The following SAMD5 variants were observed in gnomAD, a reference collection of about 807,000 sequenced individuals.
SAMD5 encodes sterile alpha motif domain-containing protein 5.
SAMD5 carries 13 observed loss-of-function variants against 11.3 expected under a neutral mutation model. That is an observed-to-expected ratio of 1.15 (90% CI 0.75 to 1.83). SAMD5 has a LOEUF of 1.83. Among genes scored for constraint, SAMD5 ranks in the 40% most tolerant of loss-of-function variants. The probability of loss-of-function intolerance (pLI) is 0.00; values close to 1 mark genes in which losing one functional copy is unlikely to be tolerated. For missense variants in SAMD5, 255 were observed against 239.1 expected (o/e 1.07, Z -0.44); for synonymous variants, 129 against 111.3 (o/e 1.16, Z -1.00).
intron 1 of SAMD5, among the ~76,000 whole-genome samples, chr6:147,646,447 A>T (rs1306614241): frequency 6.6e-6 from 1 of 152,134 alleles, no homozygotes; most frequent in East Asian, 1.9e-4. Context: ...TCACTTCTTA[A>T]TCTCAAAGGA....
the SAMD5 span, among the ~76,000 whole-genome samples, chr6:147,916,771 T>G: frequency 6.9e-6 from 1 of 145,530 alleles, no homozygotes; most frequent in African/African-American, 2.5e-5. Context: ...GTGTTCTCAT[T>G]GTTCAATTCC....
the SAMD5 span, among the ~76,000 whole-genome samples, chr6:147,894,552 G>A: frequency 0.16 from 24,939 of 152,088 alleles, 2,565 homozygotes; most frequent in Non-Finnish European, 0.23. Context: ...CAGTGCATCC[G>A]TGAGACCTAC....
chr6:147,755,902 A>G, the SAMD5 span, among the ~76,000 whole-genome samples: 1 of 152,206 alleles, frequency 6.6e-6, no homozygotes, highest in Admixed American at 6.6e-5. Flanking sequence ...CTAAAATAAC[A>G]TTGAACACAA....
the SAMD5 span, among the ~76,000 whole-genome samples, chr6:147,782,681 A>C: frequency 6.6e-6 from 1 of 152,220 alleles, no homozygotes; most frequent in Non-Finnish European, 1.5e-5. Context: ...GCAGAGAGCA[A>C]AAGCTTTGTT....
intron 1 of SAMD5, among the ~76,000 whole-genome samples, chr6:147,593,418 C>T (rs756062818): frequency 7.9e-5 from 12 of 152,002 alleles, no homozygotes; most frequent in Non-Finnish European, 1.6e-4. Flanking sequence ...GATTAAGGAA[C>T]CAAGAAAGGC....
the SAMD5 span, among the ~76,000 whole-genome samples, chr6:147,830,043 G>A: frequency 6.6e-6 from 1 of 152,026 alleles, no homozygotes; most frequent in Admixed American, 6.6e-5. Context: ...TCCAGATGTT[G>A]GGTGGAGAGT....
At chr6:147,657,780 G>T (rs1790592716) in intron 1 of SAMD5, among the ~76,000 whole-genome samples, 1 of 152,098 alleles carries the variant, frequency 6.6e-6, no homozygotes, top group Non-Finnish European at 1.5e-5. Flanking sequence ...TCTTTTATAT[G>T]GGCATCAGTC....
At chr6:147,592,578 A>G (rs758047126) in intron 1 of SAMD5, among the ~76,000 whole-genome samples, 3 of 152,022 alleles carry the variant, frequency 2.0e-5, no homozygotes, top group African/African-American at 7.2e-5. Context: ...CTCAATTCAG[A>G]TAGACTCTAT....
chr6:147,852,764 A>G, the SAMD5 span, among the ~76,000 whole-genome samples: 153 of 152,342 alleles, frequency 1.0e-3, 1 homozygote, highest in African/African-American at 3.4e-3. Flanking sequence ...ATTAAAAAAT[A>G]CTAAGGAGAT....
intron 1 of SAMD5, among the ~76,000 whole-genome samples, chr6:147,720,822 A>G (rs1430396103): frequency 7.0e-6 from 1 of 143,398 alleles, no homozygotes; most frequent in African/African-American, 2.6e-5. Context: ...AGCATTAGGT[A>G]TATCTCCCAA....
At chr6:147,588,179 G>A (rs1377686530) in intron 1 of SAMD5, among the ~76,000 whole-genome samples, 1 of 151,526 alleles carries the variant, frequency 6.6e-6, no homozygotes, top group Non-Finnish European at 1.5e-5. Context: ...CTCAAAAGGA[G>A]TTATTATAAG....
intron 1 of SAMD5, among the ~76,000 whole-genome samples, chr6:147,590,786 C>T (rs761601019): frequency 1.3e-5 from 2 of 152,100 alleles, no homozygotes; most frequent in African/African-American, 4.8e-5. Flanking sequence ...TTTGGTAAAG[C>T]GAATGCTTTC....
At position 147,685,145 on chromosome 6, in the gene SAMD5, A is replaced by G. The variant is rs547711542; in HGVS notation, c.163-52172A>G. On this transcript the variant is annotated intron_variant, in intron 1 of 1. Coordinates refer to the SAMD5 transcript ENST00000566741. ...TCAGATTTATATGGCTTATTCCTCC[A>G]TACTTCCAATGTTGTGAAATATCTC... is the stretch of plus-strand genomic sequence containing the variant. Among the ~76,000 whole-genome samples the G allele has an allele frequency of 1.3e-5, 2 of 152,264 alleles. 1 individual carries two copies. The highest frequency in any genetic ancestry group is 4.1e-4 in the South Asian group (2 of 4,828).
At chr6:147,806,802 T>C in the SAMD5 span, among the ~76,000 whole-genome samples, 1 of 152,096 alleles carries the variant, frequency 6.6e-6, no homozygotes, top group Non-Finnish European at 1.5e-5. Context: ...TCAAATCCAA[T>C]AGGATCATAT....
downstream of SAMD5, among the ~76,000 whole-genome samples, chr6:147,573,645 C>A (rs755922643): frequency 6.6e-6 from 1 of 152,108 alleles, no homozygotes; most frequent in Non-Finnish European, 1.5e-5. Flanking sequence ...TTACTAATAG[C>A]CCCATCAGAG....
intron 1 of SAMD5, among the ~76,000 whole-genome samples, chr6:147,670,264 T>C (rs1278866068): frequency 1.3e-5 from 2 of 152,242 alleles, no homozygotes; most frequent in Non-Finnish European, 2.9e-5. Context: ...GCAGGCTTTG[T>C]TGTTCCACTT....
At chr6:147,910,582 A>C in the SAMD5 span, among the ~76,000 whole-genome samples, 30 of 152,260 alleles carry the variant, frequency 2.0e-4, no homozygotes, top group African/African-American at 7.0e-4. Context: ...TCTAAAGAGA[A>C]CTATTATAAA....
At chr6:147,801,525 C>T in the SAMD5 span, among the ~76,000 whole-genome samples, 1 of 152,184 alleles carries the variant, frequency 6.6e-6, no homozygotes, top group East Asian at 1.9e-4. Flanking sequence ...GCCTTCTTTT[C>T]TCACCAGGCT....
the SAMD5 span, among the ~76,000 whole-genome samples, chr6:147,918,003 C>G: frequency 6.6e-6 from 1 of 152,074 alleles, no homozygotes; most frequent in African/African-American, 2.4e-5. Context: ...ATGCCTCCAG[C>G]TTTGTTCTTT....
Sources: allele counts gnomAD v4.1 joint callset (sites outside exome capture counted in the v4.1 genomes callset), GRCh38; gene constraint gnomAD v4.1.1; transcripts MANE v1.5; gene names NCBI Gene and HGNC (gene_info 2026-07-23, HGNC 2026-07-21).